CASQ2: variants seen among roughly 807,000 people sequenced by gnomAD.
CASQ2 encodes the protein calsequestrin-2.
In CASQ2, 49 loss-of-function variants were observed where a neutral mutation model predicts 46.5. That is an observed-to-expected ratio of 1.05 (90% CI 0.84 to 1.34). The LOEUF is 1.34. Ranked by LOEUF, CASQ2 falls within the 40% of genes most tolerant of loss-of-function variation. CASQ2 has a pLI of 0.00. For synonymous variants in CASQ2, 174 were observed against 168.5 expected (o/e 1.03, Z -0.25); for missense variants, 486 against 481.3 (o/e 1.01, Z -0.09).
At chr1:115,745,055 G>C (rs537673600) in intron 1 of CASQ2, 143 bp from the exon 2 acceptor site, 2 of 707,252 alleles carry the variant, frequency 2.8e-6, no homozygotes, top group South Asian at 3.0e-5. Flanking sequence ...AGCAGCAAAG[G>C]AAATGTATTC....
At chr1:115,745,716 T>C (rs957110308) in intron 1 of CASQ2, among the ~76,000 whole-genome samples, 6 of 152,062 alleles carry the variant, frequency 3.9e-5, no homozygotes, top group African/African-American at 7.2e-5. Flanking sequence ...ATGGAGATGC[T>C]ACCAGACAGA....
intron 8 of CASQ2, among the ~76,000 whole-genome samples, chr1:115,706,998 C>A (rs1204459149): frequency 6.6e-6 from 1 of 151,754 alleles, no homozygotes; most frequent in East Asian, 1.9e-4. Context: ...GGCCTTATTA[C>A]CTGGGAAGCA....
At chr1:115,706,364 C>T (rs1201753267) in intron 8 of CASQ2, among the ~76,000 whole-genome samples, 1 of 152,128 alleles carries the variant, frequency 6.6e-6, no homozygotes. Context: ...TAGAGAACCC[C>T]CTAGTATAGG....
At chr1:115,756,321 A>G (rs1225127261) in intron 1 of CASQ2, among the ~76,000 whole-genome samples, 1 of 152,214 alleles carries the variant, frequency 6.6e-6, no homozygotes, top group Non-Finnish European at 1.5e-5. Flanking sequence ...GCTTATCTGG[A>G]TAATTCTGGC....
intron 8 of CASQ2, among the ~76,000 whole-genome samples, chr1:115,716,394 G>A (rs1020902014): frequency 6.6e-6 from 1 of 152,130 alleles, no homozygotes; most frequent in African/African-American, 2.4e-5. Flanking sequence ...TTATTTAGGG[G>A]AATGTTTCCT....
At chr1:115,722,253 C>G (rs150131678) in intron 7 of CASQ2, among the ~76,000 whole-genome samples, 2 of 152,328 alleles carry the variant, frequency 1.3e-5, no homozygotes, top group East Asian at 3.9e-4. Context: ...ACGCTGCTCT[C>G]TTCCCCAAGT....
chr1:115,747,726 C>T (rs1456988114), intron 1 of CASQ2, among the ~76,000 whole-genome samples: 3 of 152,132 alleles, frequency 2.0e-5, no homozygotes. Flanking sequence ...TAAATTATTT[C>T]AGCTACTGTA....
At chr1:115,754,120 C>T (rs191252973) in intron 1 of CASQ2, among the ~76,000 whole-genome samples, 96 of 152,256 alleles carry the variant, frequency 6.3e-4, no homozygotes, top group African/African-American at 2.2e-3. Context: ...CGTTTCTCTC[C>T]GGTAATCTCC....
At chr1:115,748,545 T>TTTCTTAC (rs1448081867) in intron 1 of CASQ2, among the ~76,000 whole-genome samples, 1 of 141,572 alleles carries the variant, frequency 7.1e-6, no homozygotes, top group East Asian at 2.3e-4. Context: ...CTTTCTCTTA[T>TTTCTTAC]TTCTTTTATT....
At chr1:115,716,023 C>G (rs1163892783) in intron 8 of CASQ2, among the ~76,000 whole-genome samples, 2 of 152,204 alleles carry the variant, frequency 1.3e-5, no homozygotes, top group African/African-American at 4.8e-5. Context: ...CCTGATCTGT[C>G]TAGTGGAACC....
Position 115,727,073 on chromosome 1 carries a change from G to A in CASQ2, c.656C>T (p.Pro219Leu). 6.2e-7 allele frequency: 1 copy of A among 1,610,944 alleles called. No individual in the cohort carries two copies. The highest frequency in any genetic ancestry group is 8.5e-7 in the Non-Finnish European group (1 of 1,177,852). Residue 219 changes from proline to leucine, a missense_variant, in exon 6 of 11, where the codon CCA (proline) becomes CTA (leucine). Physicochemically the swap from Pro to Leu is moderately conservative, Grantham distance 98. Transcript: ENST00000261448. ...LKMNEVDFYE[P>L]FMDEPIAIPN... ...GATGGCAATGGGCTCATCCATAAAT[G>A]GCTCATAGAAGTCAACCTCATTCAT...
At chr1:115,725,116 G>A (rs1305390645) in intron 7 of CASQ2, among the ~76,000 whole-genome samples, 3 of 152,124 alleles carry the variant, frequency 2.0e-5, no homozygotes, top group Admixed American at 6.5e-5. Context: ...GCCCAGGCTG[G>A]AGCGCAGTGC....
chr1:115,746,933 T>C (rs558869635), intron 1 of CASQ2, among the ~76,000 whole-genome samples: 1 of 152,298 alleles, frequency 6.6e-6, no homozygotes, highest in African/African-American at 2.4e-5. Flanking sequence ...GAACATTCAA[T>C]ATCCTAATCA....
rs1557806900 is a variant in CASQ2, at chr1:115,761,511, GAAGAAGAAGAAGAAGAA to G, written c.234+6780_234+6796del. 2.7e-4 allele frequency among the ~76,000 whole-genome samples: 28 copies of G among 104,476 alleles called. 5 individuals are homozygous for G. The highest frequency in any genetic ancestry group is 4.7e-3 in the Middle Eastern group (1 of 212). 68.5% of individuals were successfully genotyped at this position (104,476 alleles called of 152,430 possible). ...AGGAGAAGAAGGAGAAGAAGAAGAA[GAAGAAGAAGAAGAAGAA>G]GAGTTCATAAAGTGCACATGAGTCT... On this transcript the variant is annotated intron_variant, in intron 1 of 10. Coordinates refer to ENST00000261448, the MANE Select transcript of CASQ2 (RefSeq NM_001232.4).
intron 1 of CASQ2, among the ~76,000 whole-genome samples, chr1:115,755,647 A>G (rs1447817090): frequency 2.6e-5 from 4 of 152,268 alleles, no homozygotes; most frequent in Admixed American, 2.6e-4. Context: ...AGCAAATGCC[A>G]TGGATAACTA....
intron 8 of CASQ2, among the ~76,000 whole-genome samples, chr1:115,708,780 C>T (rs1006746416): frequency 6.6e-6 from 1 of 152,202 alleles, no homozygotes; most frequent in Non-Finnish European, 1.5e-5. Flanking sequence ...ATCGGTATTA[C>T]GTTCAGTGAT....
chr1:115,723,849 T>C (rs769561693), intron 7 of CASQ2, among the ~76,000 whole-genome samples: 2 of 152,224 alleles, frequency 1.3e-5, no homozygotes, highest in Non-Finnish European at 2.9e-5. Flanking sequence ...ATAAGACCCT[T>C]TTAATATCTT....
At chr1:115,716,498 C>T (rs1466811046) in intron 8 of CASQ2, among the ~76,000 whole-genome samples, 1 of 152,044 alleles carries the variant, frequency 6.6e-6, no homozygotes, top group Non-Finnish European at 1.5e-5. Context: ...GGCTAGATGG[C>T]AAAATAGGTA....
intron 5 of CASQ2, among the ~76,000 whole-genome samples, 175 bp from the exon 6 acceptor site, chr1:115,727,297 ATCT>A (rs1337749772): frequency 6.6e-6 from 1 of 152,210 alleles, no homozygotes; most frequent in Non-Finnish European, 1.5e-5. Context: ...GGCTAGACTA[ATCT>A]TCTTTTGTGA....
Sources: gnomAD v4.1 joint callset for allele counts (sites outside exome capture counted in the v4.1 genomes callset) on GRCh38, gnomAD v4.1.1 for gene constraint, MANE v1.5 for transcripts, NCBI Gene and HGNC (gene_info 2026-07-23, HGNC 2026-07-21) for gene names.